Variants in SCFD1 observed in about 807,000 individuals in gnomAD.
SCFD1 encodes the protein sec1 family domain containing 1, also known as sec1 family domain-containing protein 1.
In SCFD1, 37 loss-of-function variants were observed where a neutral mutation model predicts 103.2. The observed-to-expected ratio is 0.36, with a 90% CI of 0.28 to 0.47. The LOEUF is 0.47. Ranked by LOEUF, SCFD1 falls within the 20% of genes least tolerant of loss-of-function variation. The pLI is 1.00. For missense variants in SCFD1, 639 were observed against 761.2 expected (o/e 0.84, Z 1.89); for synonymous variants, 264 against 245.0 (o/e 1.08, Z -0.73).
intron 22 of SCFD1, among the ~76,000 whole-genome samples, chr14:30,722,165 T>A (rs924149348): frequency 2.6e-5 from 4 of 152,196 alleles, no homozygotes; most frequent in African/African-American, 9.6e-5. Flanking sequence ...GGAACCTTTT[T>A]CTGAAATTGG....
chr14:30,634,927 A>G (rs1171540425), intron 4 of SCFD1: 2 of 455,928 alleles, frequency 4.4e-6, no homozygotes, highest in African/African-American at 4.0e-5. Context: ...ACTAGGTAGA[A>G]TCAGTTACAA....
At chr14:30,627,455 G>A (rs1883590429) in intron 1 of SCFD1, among the ~76,000 whole-genome samples, 2 of 152,182 alleles carry the variant, frequency 1.3e-5, no homozygotes, top group South Asian at 4.1e-4. Context: ...TTTTTAGAAA[G>A]ACTGATCCAG....
chr14:30,653,974 TTTTA>T (rs1886646572), intron 10 of SCFD1: 1 of 154,180 alleles, frequency 6.5e-6, no homozygotes, highest in Non-Finnish European at 1.4e-5. Context: ...TTAAACCTCA[TTTTA>T]CGTTAAAAAA....
intron 10 of SCFD1, 84 bp downstream of exon 10, chr14:30,653,672 A>C (rs920491676): frequency 7.0e-5 from 64 of 918,478 alleles, no homozygotes; most frequent in Non-Finnish European, 9.5e-5. Flanking sequence ...TCATGGCTAC[A>C]GAAACAAAAA....
At chr14:30,692,130 CG>C (rs1263475138) in intron 14 of SCFD1, among the ~76,000 whole-genome samples, 8 of 151,876 alleles carry the variant, frequency 5.3e-5, no homozygotes, top group African/African-American at 1.9e-4. Flanking sequence ...AGATTCTTTA[CG>C]TTTTCCACTT....
chr14:30,682,234 T>C (rs1351930038), intron 14 of SCFD1, among the ~76,000 whole-genome samples: 1 of 152,214 alleles, frequency 6.6e-6, no homozygotes, highest in Non-Finnish European at 1.5e-5. Context: ...AGCTGGTCTC[T>C]CACCTTGATA....
chr14:30,657,949 C>T (rs370906149), intron 10 of SCFD1: 4 of 321,128 alleles, frequency 1.2e-5, no homozygotes, highest in East Asian at 7.7e-5. Context: ...TCATTTTAAA[C>T]GGGAAATACA....
Position 30,670,074 on chromosome 14 carries a change from C to T in SCFD1, c.856-182C>T, listed in dbSNP as rs117283221. The T allele has an allele frequency of 6.8e-3, 3,577 of 529,474 alleles. 20 individuals are homozygous for T. The highest frequency in any genetic ancestry group is 0.012 in the Middle Eastern group (21 of 1,798). 32.8% of individuals were successfully genotyped at this position (529,474 alleles called of 1,614,324 possible). The stretch of plus-strand genomic sequence containing the variant: ...TTTTCTTGTTTGAAATTTTAATATA[C>T]ATCTAATACTTTCATTAAAATACAG... On this transcript the variant is annotated intron_variant, in intron 10 of 24. Transcript: ENST00000458591.
chr14:30,666,047 G>T (rs1212370015), intron 10 of SCFD1, among the ~76,000 whole-genome samples: 1 of 151,696 alleles, frequency 6.6e-6, no homozygotes, highest in Non-Finnish European at 1.5e-5. Flanking sequence ...ATTGAACTGA[G>T]CTCTGCACTA....
intron 21 of SCFD1, 31 bp downstream of exon 21, chr14:30,719,408 G>T: frequency 1.3e-6 from 2 of 1,549,444 alleles, no homozygotes; most frequent in Non-Finnish European, 1.8e-6. Flanking sequence ...TTAACTTGTG[G>T]ATTTTTTCCC....
Position 30,702,321 on chromosome 14 carries a change from C to G in SCFD1, c.1436C>G (p.Ala479Gly), listed in dbSNP as rs1891135951. The part of the protein sequence containing the change: ...SEADLEQYKK[A>G]LTDAGCNLNP... ...GCTGATTTGGAGCAATATAAAAAAG[C>G]TTTAACTGATGCAGGATGCAACCTT... Residue 479 changes from alanine to glycine, a missense_variant, in exon 17 of 25, where the codon GCT becomes GGT. Ala to Gly is a moderately conservative substitution (Grantham distance 60, BLOSUM62 0). Coordinates refer to ENST00000458591, the MANE Select transcript of SCFD1 (RefSeq NM_016106.4). 1.2e-6 allele frequency: 2 copies of G among 1,600,726 alleles called. No homozygotes were observed. The highest frequency in any genetic ancestry group is 1.1e-5 in the South Asian group (1 of 88,196).
intron 14 of SCFD1, among the ~76,000 whole-genome samples, chr14:30,693,445 G>A (rs1890461226): frequency 1.3e-5 from 2 of 151,996 alleles, no homozygotes; most frequent in South Asian, 2.1e-4. Context: ...ATAAAACTTT[G>A]GCCTTGCGTG....
At chr14:30,698,858 A>G (rs973915772) in intron 15 of SCFD1, among the ~76,000 whole-genome samples, 2 of 152,182 alleles carry the variant, frequency 1.3e-5, no homozygotes, top group Non-Finnish European at 2.9e-5. Flanking sequence ...TGAACTGCAC[A>G]TCTATGAAGC....
chr14:30,720,309 A>G (rs180768231), intron 21 of SCFD1, among the ~76,000 whole-genome samples: 1 of 152,282 alleles, frequency 6.6e-6, no homozygotes, highest in East Asian at 1.9e-4. Context: ...TAATGGGTAC[A>G]GGACTTCTTC....
chr14:30,657,693 G>A (rs1887042228), intron 10 of SCFD1, among the ~76,000 whole-genome samples: 1 of 152,120 alleles, frequency 6.6e-6, no homozygotes, highest in South Asian at 2.1e-4. Context: ...AAAAATTTTT[G>A]TTGATTGCTA....
chr14:30,655,910 G>C (rs755508833), intron 10 of SCFD1, among the ~76,000 whole-genome samples: 1 of 152,004 alleles, frequency 6.6e-6, no homozygotes, highest in African/African-American at 2.4e-5. Context: ...GGAGGATCAC[G>C]TGGGCCCAGG....
chr14:30,646,013 GT>G (rs1278219419), intron 7 of SCFD1, among the ~76,000 whole-genome samples: 1 of 151,686 alleles, frequency 6.6e-6, no homozygotes, highest in African/African-American at 2.4e-5. Context: ...TTTGTTGAGG[GT>G]TTTTTTGTGT....
rs763514548 is a variant in SCFD1 at position 30,735,583 on chromosome 14, T to C, written c.1906-3T>C. 2.5e-6 allele frequency: 4 copies of C among 1,583,756 alleles called. No individual in the cohort carries two copies. The Admixed American group carries it at 5.1e-5, about 20-fold the overall frequency. Reference sequence around the variant, plus strand: ...TTATGTATGATTTTGTGTTTTGTTTTAGTTGTCACAACTTGGACAAAAGTA... The same window carrying C: ...TTATGTATGATTTTGTGTTTTGTTTCAGTTGTCACAACTTGGACAAAAGTA... On this transcript the variant is annotated splice_polypyrimidine_tract_variant and splice_region_variant and intron_variant, in intron 24 of 24. Transcript: ENST00000458591.
chr14:30,624,804 G>A (rs1883215393), intron 1 of SCFD1, among the ~76,000 whole-genome samples: 1 of 152,034 alleles, frequency 6.6e-6, no homozygotes, highest in South Asian at 2.1e-4. Context: ...GTAGCTTTTG[G>A]ACCTCACTCC....
Sources: allele counts gnomAD v4.1 joint callset (sites outside exome capture counted in the v4.1 genomes callset), GRCh38; gene constraint gnomAD v4.1.1; transcripts MANE v1.5; gene names NCBI Gene and HGNC (gene_info 2026-07-23, HGNC 2026-07-21).